Variants in SLC15A5 observed in about 807,000 individuals in gnomAD.
SLC15A5 encodes the protein solute carrier family 15 member 5, also known as Peptide/histidine transporter ENSP00000340402.
SLC15A5 carries 58 observed loss-of-function variants against 56.1 expected under a neutral mutation model. The observed-to-expected ratio is 1.03, with a 90% CI of 0.84 to 1.29. The LOEUF (loss-of-function observed/expected upper bound fraction) is 1.29, where lower values mean the gene tolerates loss of function less well. Among genes scored for constraint, SLC15A5 ranks in the 50% most tolerant of loss-of-function variants. The pLI, the probability that SLC15A5 is intolerant of heterozygous loss-of-function variation, is 0.00. For missense variants in SLC15A5, 681 were observed against 672.1 expected, an observed-to-expected ratio of 1.01 and a Z score of -0.15; for synonymous variants, 264 against 250.5, an observed-to-expected ratio of 1.05 and a Z score of -0.51.
At chr12:16,210,660 G>A (rs1864071098) in intron 7 of SLC15A5, among the ~76,000 whole-genome samples, 1 of 152,052 alleles carries the variant, frequency 6.6e-6, no homozygotes, top group Non-Finnish European at 1.5e-5. Flanking sequence ...GATAAACTGG[G>A]ACTCAGTATG....
Position 16,196,788 on chromosome 12 carries a change from A to T in SLC15A5, c.1484-2335T>A, listed in dbSNP as rs543998351. 6.6e-6 allele frequency among the ~76,000 whole-genome samples: 1 copy of T among 152,232 alleles called. No homozygotes were observed. The highest frequency in any genetic ancestry group is 2.1e-4 in the South Asian group (1 of 4,828). ...AAAGACTATATTATAAGAGAGTCAG[A>T]TGAGGAAGAAGAATATAAATTCACT... On this transcript the variant is annotated intron_variant, in intron 7 of 8. Coordinates refer to ENST00000344941, the MANE Select transcript of SLC15A5 (RefSeq NM_001170798.1). The surrounding 1 kb of genome is among the most constrained non-coding windows in gnomAD (Gnocchi z 4.0).
intron 2 of SLC15A5, among the ~76,000 whole-genome samples, chr12:16,258,562 T>A (rs958333988): frequency 6.6e-6 from 1 of 152,198 alleles, no homozygotes; most frequent in Non-Finnish European, 1.5e-5. Context: ...ACTTAAAAAA[T>A]TGACGTAAAA....
chr12:16,204,996 T>G (rs1453568855), intron 7 of SLC15A5, among the ~76,000 whole-genome samples: 1 of 152,096 alleles, frequency 6.6e-6, no homozygotes, highest in Non-Finnish European at 1.5e-5. Context: ...TGAAATAAAA[T>G]GTTGAGTTAA....
chr12:16,266,280 G>A (rs1219994381), intron 2 of SLC15A5, among the ~76,000 whole-genome samples: 1 of 149,898 alleles, frequency 6.7e-6, no homozygotes, highest in African/African-American at 2.4e-5. Context: ...AGTGCTTTCA[G>A]TCTTTAGGAA....
intron 3 of SLC15A5, among the ~76,000 whole-genome samples, chr12:16,256,784 G>T (rs1864577838): frequency 6.6e-6 from 1 of 151,878 alleles, no homozygotes; most frequent in Admixed American, 6.6e-5. Context: ...GCGTGAACCT[G>T]GGAGTCGGAG....
At chr12:16,250,638 G>A (rs1428719129) in intron 3 of SLC15A5, among the ~76,000 whole-genome samples, 1 of 151,918 alleles carries the variant, frequency 6.6e-6, no homozygotes, top group Non-Finnish European at 1.5e-5. Context: ...GAAAAACATA[G>A]ACTTTTTAAT....
At chr12:16,270,021 A>G (rs1372061059) in intron 2 of SLC15A5, among the ~76,000 whole-genome samples, 1 of 152,190 alleles carries the variant, frequency 6.6e-6, no homozygotes, top group Admixed American at 6.5e-5. Context: ...GATCTGGATA[A>G]TGACACAAGG....
intron 3 of SLC15A5, among the ~76,000 whole-genome samples, chr12:16,249,745 C>G (rs187188282): frequency 7.9e-5 from 12 of 151,984 alleles, no homozygotes; most frequent in Non-Finnish European, 1.3e-4. Context: ...GGATGCTGAA[C>G]AGTTATTTAG....
At chr12:16,210,605 C>T (rs1671529) in intron 7 of SLC15A5, among the ~76,000 whole-genome samples, 120,817 of 152,126 alleles carry the variant, frequency 0.79, 48,354 homozygotes, top group East Asian at 0.99. Context: ...AAAGGTAAGT[C>T]ACTAGTGAAG....
chr12:16,258,304 C>G (rs948746095), intron 2 of SLC15A5, among the ~76,000 whole-genome samples: 43 of 152,122 alleles, frequency 2.8e-4, no homozygotes, highest in African/African-American at 1.0e-3. Flanking sequence ...TTCCAGTTTT[C>G]AAAGTATAGG....
At chr12:16,257,469 C>T (rs181074262) in intron 3 of SLC15A5, among the ~76,000 whole-genome samples, 1 of 152,262 alleles carries the variant, frequency 6.6e-6, no homozygotes, top group Admixed American at 6.5e-5. Context: ...GGAATCTCTA[C>T]CTCTCAACTT....
chr12:16,232,931 AAG>A lies in SLC15A5; in HGVS notation c.1162+6748_1162+6749del, dbSNP rs561044359. On this transcript the variant is annotated intron_variant, in intron 5 of 8. Coordinates refer to ENST00000344941, the MANE Select transcript of SLC15A5 (RefSeq NM_001170798.1). ...ACTCTGTCTAAAAAAGAAAAAAAGA[AAG>A]AGAGAGAGAGAGGAAGAAAGAAAGA... Among the ~76,000 whole-genome samples, 125 of 150,646 alleles carry A rather than the reference AAG, an allele frequency of 8.3e-4. 1 individual carries two copies. The highest frequency in any genetic ancestry group is 3.4e-3 in the Middle Eastern group (1 of 292).
At chr12:16,207,799 G>C (rs1416338651) in intron 7 of SLC15A5, among the ~76,000 whole-genome samples, 1 of 151,900 alleles carries the variant, frequency 6.6e-6, no homozygotes, top group Admixed American at 6.6e-5. Flanking sequence ...GATTACAGGT[G>C]CACGCCACCA....
At chr12:16,253,029 C>T (rs1337214118) in intron 3 of SLC15A5, among the ~76,000 whole-genome samples, 1 of 136,632 alleles carries the variant, frequency 7.3e-6, no homozygotes, top group African/African-American at 2.6e-5. Flanking sequence ...GCCAAGACTA[C>T]GTAAGGGGGA....
Position 16,267,453 on chromosome 12 carries a change from A to G in SLC15A5, c.584+5108T>C, listed in dbSNP as rs183881559. ...TTGGAGAAAGAAGGGGAAAATAGAA[A>G]CTTTAGAGTTCCTTTTTATCTGTAA... On this transcript the variant is annotated intron_variant, in intron 2 of 8. Coordinates refer to ENST00000344941, the MANE Select transcript of SLC15A5 (RefSeq NM_001170798.1). 6.9e-5 allele frequency among the ~76,000 whole-genome samples: 8 copies of G among 116,682 alleles called. 2 individuals carry two copies. The highest frequency in any genetic ancestry group is 1.1e-4 in the Non-Finnish European group (6 of 54,646). The allele number at this position is 116,682 out of a possible 152,430, so 76.5% of individuals were successfully genotyped here.
intron 7 of SLC15A5, among the ~76,000 whole-genome samples, chr12:16,211,335 A>G (rs780552168): frequency 1.3e-5 from 2 of 152,212 alleles, no homozygotes; most frequent in Non-Finnish European, 2.9e-5. Flanking sequence ...CAAAAATCAT[A>G]GATATTTAAA....
chr12:16,257,114 CAT>C (rs902018241), intron 3 of SLC15A5, among the ~76,000 whole-genome samples: 12 of 151,976 alleles, frequency 7.9e-5, no homozygotes, highest in African/African-American at 2.9e-4. Flanking sequence ...TCCACAAACA[CAT>C]ATGTGGGTGT....
intron 4 of SLC15A5, 24 bp downstream of exon 4, chr12:16,244,556 G>A (rs186389579): frequency 1.4e-4 from 210 of 1,523,314 alleles, no homozygotes; most frequent in Non-Finnish European, 1.8e-4. Context: ...TGTTGTTGGG[G>A]TAGTACTCAT....
chr12:16,191,310 C>G (rs1160308148), intron 8 of SLC15A5, among the ~76,000 whole-genome samples: 1 of 151,976 alleles, frequency 6.6e-6, no homozygotes, highest in Non-Finnish European at 1.5e-5. Flanking sequence ...CTAATATGAA[C>G]TTGGCTGTGG....
Sources: gnomAD v4.1 joint callset for allele counts (sites outside exome capture counted in the v4.1 genomes callset) on GRCh38, gnomAD v4.1.1 for gene constraint, Gnocchi (gnomAD v3.1) non-coding constraint, MANE v1.5 for transcripts, NCBI Gene and HGNC (gene_info 2026-07-23, HGNC 2026-07-21) for gene names.